Variants in MCPH1 observed in about 807,000 individuals in gnomAD.
MCPH1 encodes microcephalin.
In MCPH1, 104 loss-of-function variants were observed where a neutral mutation model predicts 84.5. That is an observed-to-expected ratio of 1.23 (90% CI 1.05 to 1.45). The LOEUF is 1.45. MCPH1 is among the 40% of genes most tolerant of loss of function. MCPH1 has a pLI of 0.00. For missense variants in MCPH1, 1,498 were observed against 1,005.7 expected (o/e 1.49, Z -6.62); for synonymous variants, 514 against 366.8 (o/e 1.40, Z -4.58).
chr8:6,522,782 A>G (rs1446187941), intron 12 of MCPH1, among the ~76,000 whole-genome samples: 1 of 151,860 alleles, frequency 6.6e-6, no homozygotes, highest in African/African-American at 2.4e-5. Flanking sequence ...TCAAAAAAAA[A>G]AAAGAAAAGA....
At chr8:6,482,806 A>G (rs1175671055) in intron 11 of MCPH1, among the ~76,000 whole-genome samples, 2 of 152,230 alleles carry the variant, frequency 1.3e-5, no homozygotes, top group African/African-American at 2.4e-5. Context: ...CTGATATGAT[A>G]AAGGTGGGCA....
At chr8:6,502,745 T>C (rs1271904739) in intron 12 of MCPH1, 1 of 279,840 alleles carries the variant, frequency 3.6e-6, no homozygotes, top group Non-Finnish European at 6.9e-6. Flanking sequence ...CTGTATTGTA[T>C]AACATAAGTG....
rs527962417 is a variant in MCPH1 at position 6,509,420 on chromosome 8, C to T, written c.2214+9491C>T. 2.0e-4 allele frequency among the ~76,000 whole-genome samples: 31 copies of T among 152,328 alleles called. No individual in the cohort carries two copies. The South Asian group carries it at 5.2e-3, about 25-fold the overall frequency. On this transcript the variant is annotated intron_variant, in intron 12 of 13. Coordinates refer to ENST00000344683, the MANE Select transcript of MCPH1 (RefSeq NM_024596.5). ...GGTCTCCAGTCATCTTCCATAGAGA[C>T]GGAGTCCTGAGACAACTGGACAACC...
intron 3 of MCPH1, among the ~76,000 whole-genome samples, chr8:6,417,478 A>G (rs558566299): frequency 1.3e-5 from 2 of 152,222 alleles, no homozygotes; most frequent in Non-Finnish European, 1.5e-5. Context: ...AAACGTTTGC[A>G]TTTGTCCATA....
intron 9 of MCPH1, chr8:6,473,789 T>A: frequency 1.0e-6 from 1 of 998,048 alleles, no homozygotes; most frequent in South Asian, 2.3e-5. Flanking sequence ...ATTTCTATGA[T>A]GTCAGCAGAG....
At chr8:6,424,809 T>G (rs1028744157) in intron 3 of MCPH1, among the ~76,000 whole-genome samples, 1 of 152,240 alleles carries the variant, frequency 6.6e-6, no homozygotes, top group Non-Finnish European at 1.5e-5. Flanking sequence ...AGCACTGTTG[T>G]GCAGACTTCT....
chr8:6,461,266 A>G (rs774294680), intron 9 of MCPH1, among the ~76,000 whole-genome samples: 18 of 141,438 alleles, frequency 1.3e-4, no homozygotes, highest in Non-Finnish European at 2.5e-4. Context: ...ATCAGTCAGA[A>G]AAAGAGTCTG....
In MCPH1 at chr8:6,567,284, A is replaced by G. The variant is rs536744358; in HGVS notation, c.2215-54170A>G. Among the ~76,000 whole-genome samples the G allele has an allele frequency of 1.9e-3, 296 of 151,966 alleles. 1 individual carries two copies. Among genetic ancestry groups the G allele is most frequent in the African/African-American group, 6.8e-3 (283 of 41,340 alleles). On this transcript the variant is annotated intron_variant, in intron 12 of 13. Coordinates refer to ENST00000344683, the MANE Select transcript of MCPH1 (RefSeq NM_024596.5). ...GTGACCGTGTGTGATCCGCAAGGTCATGGATAGTGTACACGGTGCGATGAC... is the reference window on the plus strand; with the variant it reads ...GTGACCGTGTGTGATCCGCAAGGTCGTGGATAGTGTACACGGTGCGATGAC...
At chr8:6,413,398 C>T (rs1055796234) in intron 2 of MCPH1, among the ~76,000 whole-genome samples, 1 of 150,686 alleles carries the variant, frequency 6.6e-6, no homozygotes, top group African/African-American at 2.4e-5. Flanking sequence ...CGTTCTTGTG[C>T]TGGGCCTTTG....
intron 12 of MCPH1, among the ~76,000 whole-genome samples, chr8:6,577,237 G>A (rs1353742118): frequency 6.6e-6 from 1 of 152,150 alleles, no homozygotes. Context: ...CCTGCGTGGG[G>A]CTTCTGTCCT....
In MCPH1 at chr8:6,612,761, G is replaced by T. The variant is rs182385072; in HGVS notation, c.2215-8693G>T. Among the ~76,000 whole-genome samples the T allele has an allele frequency of 4.7e-4, 71 of 152,328 alleles. 1 individual carries two copies. Among genetic ancestry groups the T allele is most frequent in the Non-Finnish European group, 1.3e-4 (9 of 68,030 alleles). ...TTTCCATGTCCTGCTCCTTCTCCCA[G>T]CTGGTGGTGCCTCTGAGAAGAGGAC... On this transcript the variant is annotated intron_variant, in intron 12 of 13. Transcript: ENST00000344683.
At chr8:6,625,996 A>T in intron 13 of MCPH1, 1 of 985,266 alleles carries the variant, frequency 1.0e-6, no homozygotes. Flanking sequence ...GTGGGTACTG[A>T]AACGACAGCT....
intron 12 of MCPH1, among the ~76,000 whole-genome samples, chr8:6,512,814 A>G (rs1196394912): frequency 1.3e-5 from 2 of 152,244 alleles, no homozygotes; most frequent in African/African-American, 2.4e-5. Context: ...ATGGGTGAGG[A>G]CAAGGTAAAC....
intron 12 of MCPH1, chr8:6,513,707 G>T: frequency 6.2e-7 from 1 of 1,612,932 alleles, no homozygotes; most frequent in Non-Finnish European, 8.5e-7. Context: ...TTGAGAGATA[G>T]AAATGTTCAT....
chr8:6,520,151 A>C (rs1817040190), intron 12 of MCPH1, among the ~76,000 whole-genome samples: 1 of 152,174 alleles, frequency 6.6e-6, no homozygotes, highest in Non-Finnish European at 1.5e-5. Flanking sequence ...GTTTCCTTTC[A>C]GCCTGTTTTC....
At chr8:6,442,247 G>A (rs1259779629) in intron 7 of MCPH1, 91 bp downstream of exon 7, 1 of 783,532 alleles carries the variant, frequency 1.3e-6, no homozygotes, top group South Asian at 1.5e-5. Context: ...AACTTCTGAT[G>A]AGTAAAATAA....
chr8:6,553,516 A>T (rs911371512), intron 12 of MCPH1, among the ~76,000 whole-genome samples: 7 of 152,164 alleles, frequency 4.6e-5, no homozygotes, highest in African/African-American at 1.7e-4. Flanking sequence ...ATTTTCTTGA[A>T]TCTGATCATG....
At chr8:6,619,540 C>T (rs1016773625) in intron 12 of MCPH1, among the ~76,000 whole-genome samples, 2 of 152,168 alleles carry the variant, frequency 1.3e-5, no homozygotes, top group African/African-American at 4.8e-5. Context: ...ATCCACTCAC[C>T]TCAGCCTCCC....
chr8:6,428,768 CAGA>C (rs761091304), intron 3 of MCPH1, among the ~76,000 whole-genome samples: 201 of 151,162 alleles, frequency 1.3e-3, no homozygotes, highest in Non-Finnish European at 2.3e-3. Flanking sequence ...CACACACACA[CAGA>C]AGAACTAAAT....
Sources: allele counts gnomAD v4.1 joint callset (sites outside exome capture counted in the v4.1 genomes callset), GRCh38; gene constraint gnomAD v4.1.1; transcripts MANE v1.5; gene names NCBI Gene and HGNC (gene_info 2026-07-23, HGNC 2026-07-21).